POR: variants seen among roughly 807,000 people sequenced by gnomAD.
The protein encoded by POR is cytochrome p450 oxidoreductase.
A neutral mutation model predicts 84.0 loss-of-function variants in POR; 56 were observed. That is an observed-to-expected ratio of 0.67 (90% CI 0.54 to 0.83). The LOEUF is 0.83. Ranked by LOEUF, POR falls within the 40% of genes least tolerant of loss-of-function variation. The pLI is 0.00. For missense variants in POR, 938 were observed against 944.3 expected, an observed-to-expected ratio of 0.99 and a Z score of 0.09; for synonymous variants, 414 against 400.5, an observed-to-expected ratio of 1.03 and a Z score of -0.40.
chr7:75,935,664 T>TGG (rs1281604230), intron 1 of POR, among the ~76,000 whole-genome samples: 1 of 134,546 alleles, frequency 7.4e-6, no homozygotes, highest in Non-Finnish European at 1.5e-5. Flanking sequence ...TGTGTGTGTG[T>TGG]GTGTGTTTCA....
chr7:75,924,137 G>A (rs782363938), intron 1 of POR, among the ~76,000 whole-genome samples: 32 of 152,022 alleles, frequency 2.1e-4, no homozygotes, highest in Non-Finnish European at 4.6e-4. Context: ...GACCAAGCCC[G>A]GGGACATAAT....
rs1285347057 is a variant in POR at position 75,961,100 on chromosome 7, G to A, written c.188+6920G>A. On this transcript the variant is annotated intron_variant, in intron 2 of 15. Coordinates refer to ENST00000461988, the MANE Select transcript of POR (RefSeq NM_000941.3). ...GTACAAAAATTAGCTGGGCATGGTG[G>A]TGCGTGCCTGTAATCCCAGCTACTC... is the stretch of plus-strand genomic sequence containing the variant. Among the ~76,000 whole-genome samples, 4 of 152,136 alleles carry A rather than the reference G, an allele frequency of 2.6e-5. No homozygotes were observed. In the East Asian group the frequency reaches 7.8e-4, roughly 29 times the overall value.
At chr7:75,937,123 G>A (rs1440895294) in intron 1 of POR, among the ~76,000 whole-genome samples, 5 of 151,370 alleles carry the variant, frequency 3.3e-5, no homozygotes, top group African/African-American at 1.2e-4. Flanking sequence ...CACCGCATCC[G>A]GCCGCTGTTT....
chr7:75,947,996 A>G (rs528509437), intron 1 of POR, among the ~76,000 whole-genome samples: 1 of 152,284 alleles, frequency 6.6e-6, no homozygotes, highest in East Asian at 1.9e-4. Flanking sequence ...CTCCAAGCTT[A>G]ACCTCCTTGA....
intron 2 of POR, among the ~76,000 whole-genome samples, chr7:75,959,200 C>G (rs1361898683): frequency 6.6e-6 from 1 of 152,164 alleles, no homozygotes; most frequent in South Asian, 2.1e-4. Context: ...TAGCAAGGCC[C>G]TGTCTCTATA....
At chr7:75,923,881 T>A (rs1285270450) in intron 1 of POR, among the ~76,000 whole-genome samples, 1 of 136,482 alleles carries the variant, frequency 7.3e-6, no homozygotes, top group Non-Finnish European at 1.6e-5. Flanking sequence ...AGAGCGAAAC[T>A]CCATCTCAAA....
At chr7:75,979,165 T>G (rs1236699016) in intron 3 of POR, among the ~76,000 whole-genome samples, 5 of 152,210 alleles carry the variant, frequency 3.3e-5, no homozygotes, top group African/African-American at 1.2e-4. Context: ...GCTATACATT[T>G]GGTTACTTTT....
intron 1 of POR, among the ~76,000 whole-genome samples, chr7:75,926,736 G>A (rs1227085037): frequency 2.6e-5 from 4 of 152,182 alleles, no homozygotes; most frequent in African/African-American, 9.6e-5. Context: ...AGAGGTTGCA[G>A]TGAGCTGAGG....
chr7:75,941,639 TTATA>T (rs1462789110), intron 1 of POR, among the ~76,000 whole-genome samples: 2 of 152,136 alleles, frequency 1.3e-5, no homozygotes, highest in Non-Finnish European at 2.9e-5. Flanking sequence ...ATCTAGGATG[TTATA>T]TATAATGAGA....
chr7:75,931,093 G>T (rs1295988481), intron 1 of POR, among the ~76,000 whole-genome samples: 1 of 152,080 alleles, frequency 6.6e-6, no homozygotes, highest in African/African-American at 2.4e-5. Flanking sequence ...AATGTGCTGG[G>T]ATTACAGGCA....
At chr7:75,964,057 TG>T (rs1788062437) in intron 2 of POR, among the ~76,000 whole-genome samples, 2 of 151,874 alleles carry the variant, frequency 1.3e-5, no homozygotes, top group Non-Finnish European at 2.9e-5. Context: ...TGGAGTTCAG[TG>T]GCACAATCTT....
chr7:75,970,629 C>T (rs1029299113), intron 2 of POR, among the ~76,000 whole-genome samples: 14 of 151,734 alleles, frequency 9.2e-5, no homozygotes, highest in African/African-American at 3.4e-4. Flanking sequence ...TTACAAGTGT[C>T]GGCCACTGAG....
At chr7:75,953,333 G>A (rs1787537482) in intron 1 of POR, among the ~76,000 whole-genome samples, 1 of 132,888 alleles carries the variant, frequency 7.5e-6, no homozygotes, top group East Asian at 2.6e-4. Context: ...GAGGGGGAGG[G>A]GGAGGGACCA....
At chr7:75,920,604 G>A (rs1806807878) in intron 1 of POR, among the ~76,000 whole-genome samples, 1 of 152,028 alleles carries the variant, frequency 6.6e-6, no homozygotes, top group Admixed American at 6.6e-5. Context: ...CTGTTTCTGA[G>A]CTCACGTCAC....
At chr7:75,982,179 G>C (rs1789088824) in intron 7 of POR, 45 bp from the exon 8 acceptor site, 19 of 1,498,004 alleles carry the variant, frequency 1.3e-5, no homozygotes, top group Non-Finnish European at 1.7e-5. Context: ...TCTCGGGACT[G>C]ACCCCTGCCG....
intron 1 of POR, among the ~76,000 whole-genome samples, 188 bp from the exon 2 acceptor site, chr7:75,953,801 C>T (rs575227593): frequency 7.5e-4 from 114 of 152,322 alleles, no homozygotes; most frequent in Middle Eastern, 3.4e-3. Flanking sequence ...TCTGTTATGT[C>T]AGCCCCAGTC....
chr7:75,984,793 G>A lies in POR; in HGVS notation c.1083G>A (p.Lys361=), dbSNP rs1789304516. 1 of 1,612,528 alleles carries A rather than the reference G, an allele frequency of 6.2e-7. No individual in the cohort carries two copies. The highest frequency in any genetic ancestry group is 8.5e-7 in the Non-Finnish European group (1 of 1,179,776). ...TCCCTGCAGAGGAGTCCAACAAGAAGCACCCATTCCCGTGCCCTACGTCCT... is the reference window on the plus strand; with the variant it reads ...TCCCTGCAGAGGAGTCCAACAAGAAACACCCATTCCCGTGCCCTACGTCCT... Residue 361 remains lysine, a synonymous_variant, in exon 11 of 16, where the codon AAG becomes AAA. Coordinates refer to ENST00000461988, the MANE Select transcript of POR (RefSeq NM_000941.3).
chr7:75,946,361 A>G (rs1237754348), intron 1 of POR, among the ~76,000 whole-genome samples: 2 of 151,956 alleles, frequency 1.3e-5, no homozygotes, highest in Non-Finnish European at 2.9e-5. Flanking sequence ...ATTATGGCTC[A>G]CCGCAACCTC....
chr7:75,948,843 G>A (rs782562625), intron 1 of POR, among the ~76,000 whole-genome samples: 12 of 152,164 alleles, frequency 7.9e-5, no homozygotes, highest in Non-Finnish European at 1.6e-4. Context: ...TGTGAGGTGG[G>A]GATAAGCTCA....
Sources: allele counts gnomAD v4.1 joint callset (sites outside exome capture counted in the v4.1 genomes callset), GRCh38; gene constraint gnomAD v4.1.1; transcripts MANE v1.5; gene names NCBI Gene and HGNC (gene_info 2026-07-23, HGNC 2026-07-21).